The following KCNIP4 variants were observed in gnomAD, a reference collection of about 807,000 sequenced individuals.
KCNIP4 encodes the protein Kv channel-interacting protein 4.
KCNIP4 carries 12 observed loss-of-function variants against 34.0 expected under a neutral mutation model. The ratio of observed to expected loss-of-function variants is 0.35; its 90% CI spans 0.23 to 0.57. KCNIP4 has a LOEUF of 0.57. Ranked by LOEUF, KCNIP4 falls within the 20% of genes least tolerant of loss-of-function variation. The pLI is 0.83. For synonymous variants in KCNIP4, 124 were observed against 102.2 expected (o/e 1.21, Z -1.29); for missense variants, 238 against 311.7 (o/e 0.76, Z 1.78).
At chr4:21,884,421 T>C (rs1726644018) in intron 1 of KCNIP4, among the ~76,000 whole-genome samples, 1 of 152,078 alleles carries the variant, frequency 6.6e-6, no homozygotes, top group South Asian at 2.1e-4. Flanking sequence ...CCTCCTCGTC[T>C]AGCCCCACAG....
chr4:20,751,466 C>G (rs572262300), intron 4 of KCNIP4, among the ~76,000 whole-genome samples: 1 of 152,024 alleles, frequency 6.6e-6, no homozygotes, highest in East Asian at 1.9e-4. Context: ...TTTTCATGTA[C>G]TTCTTGAACT....
At chr4:21,284,475 T>C (rs958116126) in intron 1 of KCNIP4, among the ~76,000 whole-genome samples, 4 of 152,158 alleles carry the variant, frequency 2.6e-5, no homozygotes, top group African/African-American at 9.6e-5. Flanking sequence ...TTAGGTCAAA[T>C]GCCTTGGATG....
At chr4:21,822,448 C>G (rs1334169722) in intron 1 of KCNIP4, among the ~76,000 whole-genome samples, 2 of 152,118 alleles carry the variant, frequency 1.3e-5, no homozygotes, top group Non-Finnish European at 2.9e-5. Flanking sequence ...AAAATGTCAT[C>G]CAGGACTCCA....
At position 20,810,450 on chromosome 4, in the gene KCNIP4, G is replaced by T. The variant is rs909570972; in HGVS notation, c.288+40093C>A. Among the ~76,000 whole-genome samples the T allele has an allele frequency of 3.0e-5, 4 of 131,610 alleles. No individual in the cohort carries two copies. In the South Asian group the frequency reaches 8.1e-4, roughly 27 times the overall value. 86.3% of individuals were successfully genotyped at this position (131,610 alleles called of 152,430 possible). On this transcript the variant is annotated intron_variant, in intron 3 of 8. Transcript: ENST00000382152. ...AGGGAAATGGAAGAGTACAGGGCAG[G>T]GGGGAGGAAGGGGGGAGAGAGAGAG...
At chr4:21,678,305 A>ATTTTTTTTTTTTTTTTTTTTTTTGTTTTT (rs59561334) in intron 1 of KCNIP4, among the ~76,000 whole-genome samples, 1 of 117,600 alleles carries the variant, frequency 8.5e-6, no homozygotes, top group Non-Finnish European at 1.7e-5. Flanking sequence ...TCTTCTTTTG[A>ATTTTTTTTTTTTTTTTTTTTTTTGTTTTT]TTTTTTTTTT....
intron 1 of KCNIP4, among the ~76,000 whole-genome samples, chr4:20,917,606 AT>A (rs1035423613): frequency 3.3e-5 from 5 of 152,062 alleles, no homozygotes; most frequent in African/African-American, 7.2e-5. Context: ...TTGAGAAAAA[AT>A]TTTTTTTAAA....
chr4:21,782,413 G>A (rs1719629607), intron 1 of KCNIP4, among the ~76,000 whole-genome samples: 1 of 152,202 alleles, frequency 6.6e-6, no homozygotes, highest in Non-Finnish European at 1.5e-5. Flanking sequence ...CCTGTACACA[G>A]CTGGATGTGG....
intron 1 of KCNIP4, among the ~76,000 whole-genome samples, chr4:20,985,152 C>G (rs1736456882): frequency 6.6e-6 from 1 of 152,180 alleles, no homozygotes; most frequent in African/African-American, 2.4e-5. Flanking sequence ...TGAGTAATAT[C>G]TCAGACCTCC....
At chr4:21,078,979 G>A (rs1033669306) in intron 1 of KCNIP4, among the ~76,000 whole-genome samples, 1 of 151,990 alleles carries the variant, frequency 6.6e-6, no homozygotes, top group Non-Finnish European at 1.5e-5. Context: ...AATTCTGTAG[G>A]AGCCTCCCTC....
intron 2 of KCNIP4, among the ~76,000 whole-genome samples, chr4:20,862,261 T>TA (rs1263979136): frequency 6.6e-6 from 1 of 152,082 alleles, no homozygotes; most frequent in Admixed American, 6.6e-5. Flanking sequence ...AGTGCTGGGA[T>TA]AACAGACATC....
At chr4:21,821,530 A>G (rs1444999869) in intron 1 of KCNIP4, among the ~76,000 whole-genome samples, 2 of 152,178 alleles carry the variant, frequency 1.3e-5, no homozygotes, top group African/African-American at 2.4e-5. Flanking sequence ...GCTGAAGCTT[A>G]GTATCATATG....
intron 1 of KCNIP4, among the ~76,000 whole-genome samples, chr4:21,427,722 T>G (rs1164467345): frequency 6.6e-6 from 1 of 152,120 alleles, no homozygotes; most frequent in African/African-American, 2.4e-5. Flanking sequence ...GAGTAGGAGC[T>G]AGGTCTTGAC....
chr4:21,486,712 A>T (rs66601179), intron 1 of KCNIP4, among the ~76,000 whole-genome samples: 19,016 of 152,198 alleles, frequency 0.12, 1,354 homozygotes, highest in South Asian at 0.21. Flanking sequence ...AAAAATTGCT[A>T]AGATAGTACA....
chr4:21,083,269 C>CT (rs940668125), intron 1 of KCNIP4, among the ~76,000 whole-genome samples: 2 of 151,704 alleles, frequency 1.3e-5, no homozygotes, highest in East Asian at 1.9e-4. Context: ...CTTCCTCTCT[C>CT]TTTTTTTTCT....
chr4:21,156,362 T>C (rs920378808), intron 1 of KCNIP4, among the ~76,000 whole-genome samples: 1 of 152,126 alleles, frequency 6.6e-6, no homozygotes, highest in African/African-American at 2.4e-5. Context: ...GCTAAAATGG[T>C]TATGAAAGTG....
At chr4:21,946,912 C>T (rs115265636) in intron 1 of KCNIP4, among the ~76,000 whole-genome samples, 1 of 152,236 alleles carries the variant, frequency 6.6e-6, no homozygotes, top group African/African-American at 2.4e-5. Context: ...CTTCATTTCC[C>T]ATTTATAGTG....
intron 1 of KCNIP4, among the ~76,000 whole-genome samples, chr4:21,224,378 C>A (rs1758202704): frequency 6.6e-6 from 1 of 151,644 alleles, no homozygotes. Context: ...GCTTCAATCC[C>A]ATCCTGAGGG....
At chr4:21,869,352 G>T (rs1725624387) in intron 1 of KCNIP4, among the ~76,000 whole-genome samples, 1 of 152,088 alleles carries the variant, frequency 6.6e-6, no homozygotes, top group Admixed American at 6.5e-5. Flanking sequence ...TAGGCTCCTA[G>T]AAGGTTGAGA....
chr4:20,892,118 T>C (rs771661132), intron 1 of KCNIP4, among the ~76,000 whole-genome samples: 2 of 152,140 alleles, frequency 1.3e-5, no homozygotes, highest in Admixed American at 1.3e-4. Flanking sequence ...ATGAGGAAAA[T>C]ACCTACATTT....
Sources: gnomAD v4.1 joint callset for allele counts (sites outside exome capture counted in the v4.1 genomes callset) on GRCh38, gnomAD v4.1.1 for gene constraint, MANE v1.5 for transcripts, NCBI Gene and HGNC (gene_info 2026-07-23, HGNC 2026-07-21) for gene names.